The following GANAB variants were observed in gnomAD, a reference collection of about 807,000 sequenced individuals.
GANAB encodes neutral alpha-glucosidase AB.
GANAB carries 35 observed loss-of-function variants against 129.9 expected under a neutral mutation model. The observed-to-expected ratio is 0.27, with a 90% CI of 0.21 to 0.36. The LOEUF (loss-of-function observed/expected upper bound fraction) is 0.36, where lower values mean the gene tolerates loss of function less well. Among genes scored for constraint, GANAB ranks in the 10% least tolerant of loss-of-function variants. GANAB has a pLI of 1.00. For synonymous variants in GANAB, 482 were observed against 451.8 expected, an observed-to-expected ratio of 1.07 and a Z score of -0.85; for missense variants, 939 against 1,221.0, an observed-to-expected ratio of 0.77 and a Z score of 3.44.
chr11:62,626,727 A>C (rs937067779), intron 20 of GANAB, 43 bp from the exon 21 acceptor site: 12 of 1,421,388 alleles, frequency 8.4e-6, no homozygotes, highest in Non-Finnish European at 1.2e-5. Flanking sequence ...CCCCTTGTCC[A>C]ACCTTGGGCC....
At chr11:62,634,662 G>A (rs754206727) in intron 5 of GANAB, 159 bp downstream of exon 5, 269 of 652,470 alleles carry the variant, frequency 4.1e-4, no homozygotes, top group Middle Eastern at 8.6e-4. Context: ...GGAAAAAACC[G>A]CACCCGGGTC....
chr11:62,629,628 A>C lies in GANAB; in HGVS notation c.1794T>G (p.Phe598Leu). Residue 598 changes from phenylalanine (F) to leucine (L), a missense_variant, in exon 15 of 24, where the codon TTT (phenylalanine) becomes TTG (leucine). By Grantham distance (22) the Phe-to-Leu change is conservative (BLOSUM62 0). Transcript: ENST00000356638. ...CAGCGAAGAAGGCCCTGGCCAGGAC[A>C]AAGGGGCGTTCCATGCCCCCAGAGC... ...RQRSGGMERP[F>L]VLARAFFAGS... is the part of the protein sequence containing the mutation. 1 of 1,613,104 alleles carries C rather than the reference A, an allele frequency of 6.2e-7. No individual in the cohort carries two copies. Among genetic ancestry groups the C allele is most frequent in the Non-Finnish European group, 8.5e-7 (1 of 1,179,568 alleles).
intron 9 of GANAB, among the ~76,000 whole-genome samples, chr11:62,632,156 T>C (rs1465060580): frequency 6.6e-6 from 1 of 151,634 alleles, no homozygotes; most frequent in Non-Finnish European, 1.5e-5. Flanking sequence ...GTTTTTCTAG[T>C]AGAGATGAGG....
chr11:62,641,962 C>T (rs899004936), intron 1 of GANAB, among the ~76,000 whole-genome samples: 3 of 151,520 alleles, frequency 2.0e-5, no homozygotes, highest in Admixed American at 6.6e-5. Flanking sequence ...TTTGGGAGGC[C>T]GGGGTGGGCG....
chr11:62,634,754 C>T, intron 5 of GANAB, 67 bp downstream of exon 5: 1 of 1,316,596 alleles, frequency 7.6e-7, no homozygotes. Context: ...CCTCCCCGTG[C>T]CAGACCTCAC....
chr11:62,636,766 A>G (rs1451857695), intron 4 of GANAB, among the ~76,000 whole-genome samples: 3 of 151,874 alleles, frequency 2.0e-5, no homozygotes, highest in Non-Finnish European at 4.4e-5. Flanking sequence ...GCACGCCTGT[A>G]GTCCCAGCTA....
Position 62,629,593 on chromosome 11 carries a change from C to T in GANAB, c.1829G>A (p.Arg610His), listed in dbSNP as rs1168214826. Residue 610 changes from arginine (R) to histidine (H), a missense_variant, in exon 15 of 24, where the codon CGC becomes CAC. Physicochemically the swap from Arg to His is conservative, Grantham distance 29. Transcript: ENST00000356638. Reference sequence around the variant, plus strand: ...CTCCATTCTCTAAACCTTACCAAAGCGCTGGGAGCCAGCGAAGAAGGCCCT... The same window carrying T: ...CTCCATTCTCTAAACCTTACCAAAGTGCTGGGAGCCAGCGAAGAAGGCCCT... ...LARAFFAGSQRFGAVWTGDNT... is the reference protein window; with the variant it reads ...LARAFFAGSQHFGAVWTGDNT... The T allele has an allele frequency of 1.9e-6, 3 of 1,601,656 alleles. No homozygotes were observed. Among genetic ancestry groups the T allele is most frequent in the Admixed American group, 1.7e-5 (1 of 58,722 alleles).
At chr11:62,635,060 CT>C in intron 4 of GANAB, 60 bp from the exon 5 acceptor site, 1 of 1,219,748 alleles carries the variant, frequency 8.2e-7, no homozygotes, top group Non-Finnish European at 1.2e-6. Context: ...AGTAATGACA[CT>C]TTAGAAGACC....
rs1167295711 is a variant in GANAB at position 62,632,599 on chromosome 11, G to A, written c.962C>T (p.Thr321Ile). ...LGIFWLNAAE[T>I]WVDISSNTAG... ...AGTGTTGGAAGATATATCAACCCAG[G>A]TCTCTGCAGCATTGAGCCAGAAGAT... Residue 321 changes from threonine to isoleucine, a missense_variant, in exon 9 of 24, where the codon ACC becomes ATC. By Grantham distance (89) the Thr-to-Ile change is moderately conservative. Coordinates refer to ENST00000356638, the MANE Select transcript of GANAB (RefSeq NM_198334.3). 1 of 1,614,042 alleles carries A rather than the reference G, an allele frequency of 6.2e-7. No homozygotes were observed. The highest frequency in any genetic ancestry group is 2.2e-5 in the East Asian group (1 of 44,880).
At chr11:62,641,728 C>T (rs1311087238) in intron 1 of GANAB, among the ~76,000 whole-genome samples, 1 of 151,346 alleles carries the variant, frequency 6.6e-6, no homozygotes, top group Admixed American at 6.6e-5. Flanking sequence ...TACAGGAGCA[C>T]GCCACCATGC....
chr11:62,639,260 A>T, intron 3 of GANAB, 99 bp downstream of exon 3: 3 of 1,290,490 alleles, frequency 2.3e-6, no homozygotes, highest in Non-Finnish European at 2.2e-6. Flanking sequence ...AAGTCCAAAG[A>T]TTAGGCTGGG....
chr11:62,646,117 G>A (rs1309860275), intron 1 of GANAB, among the ~76,000 whole-genome samples: 1 of 152,218 alleles, frequency 6.6e-6, no homozygotes, highest in South Asian at 2.1e-4. Flanking sequence ...AGAGCCAGAA[G>A]GGTAGTACAG....
rs1943763393 is a variant in GANAB at position 62,633,064 on chromosome 11, G to A, written c.756C>T (p.Gly252=). The change falls in exon 8 of 24, where the codon GGC becomes GGT. Residue 252 remains glycine (G), a synonymous_variant. Coordinates refer to ENST00000356638, the MANE Select transcript of GANAB (RefSeq NM_198334.3). Reference sequence around the variant, plus strand: ...CAGGGATCCCATAGACATGCTCCATGCCTGGCAGAGAGAAGTCCAAACCCA... The same window carrying A: ...CAGGGATCCCATAGACATGCTCCATACCTGGCAGAGAGAAGTCCAAACCCA... ...MSVGLDFSLP[G]MEHVYGIPEH... 6.2e-7 allele frequency: 1 copy of A among 1,612,386 alleles called. No individual in the cohort carries two copies. Among genetic ancestry groups the A allele is most frequent in the Non-Finnish European group, 8.5e-7 (1 of 1,178,492 alleles).
At chr11:62,644,194 T>C (rs1051916717) in intron 1 of GANAB, among the ~76,000 whole-genome samples, 1 of 152,042 alleles carries the variant, frequency 6.6e-6, no homozygotes, top group African/African-American at 2.4e-5. Flanking sequence ...TTCGCCAGCC[T>C]CGGCCTCCCA....
chr11:62,642,922 G>C (rs921799076), intron 1 of GANAB, among the ~76,000 whole-genome samples: 7 of 152,114 alleles, frequency 4.6e-5, no homozygotes, highest in African/African-American at 1.4e-4. Context: ...TAAATAGCTG[G>C]TAAGGGATGA....
intron 4 of GANAB, among the ~76,000 whole-genome samples, chr11:62,637,928 CAGA>C (rs941638153): frequency 2.0e-5 from 3 of 151,610 alleles, no homozygotes; most frequent in African/African-American, 7.3e-5. Flanking sequence ...ACGGAAACCC[CAGA>C]AGACCACATG....
chr11:62,631,166 C>G lies in GANAB; in HGVS notation c.1014G>C (p.Met338Ile). ...NTAGKTLFGK[M>I]MDYLQGSGET... Reference sequence around the variant, plus strand: ...CCCCAGAGCCCTGCAGGTAGTCCATCATCTTCCCAAACAGGGTCTGTATAG... The same window carrying G: ...CCCCAGAGCCCTGCAGGTAGTCCATGATCTTCCCAAACAGGGTCTGTATAG... Residue 338 changes from methionine to isoleucine, a missense_variant, in exon 10 of 24, where the codon ATG becomes ATC. Met to Ile is a conservative substitution (Grantham distance 10). Around this residue, in one of 5 missense-constraint regions of GANAB, gnomAD observed 220 missense variants for 295.9 expected, o/e 0.74. Coordinates refer to ENST00000356638, the MANE Select transcript of GANAB (RefSeq NM_198334.3). 1.3e-6 allele frequency: 2 copies of G among 1,592,916 alleles called. No homozygotes were observed. Among genetic ancestry groups the G allele is most frequent in the South Asian group, 2.2e-5 (2 of 90,496 alleles).
rs917536739 is a variant in GANAB at position 62,625,228 on chromosome 11, G to A, written c.*587C>T. On this transcript the variant is annotated 3_prime_UTR_variant, in exon 24 of 24. Transcript: ENST00000356638. ...TACAAGGAATCGGGGAGAGGAAAAG[G>A]GTAGAATGAGAGGGAAAAGGATGTT... 1 of 454,876 alleles carries A rather than the reference G, an allele frequency of 2.2e-6. No individual in the cohort carries two copies. The highest frequency in any genetic ancestry group is 4.4e-6 in the Non-Finnish European group (1 of 226,808). 28.2% of individuals were successfully genotyped at this position (454,876 alleles called of 1,614,324 possible). A position where few individuals can be genotyped will look rare whatever the true frequency, so the allele number is the denominator to read the frequency against.
rs186826272 is a variant in GANAB at position 62,627,271 on chromosome 11, A to C, written c.2245+18T>G. ...TTGGCCCAAAGCCAACCCACCACCAACTATCCTCATTTCTCACCAAGCAAG... is the reference window on the plus strand; with the variant it reads ...TTGGCCCAAAGCCAACCCACCACCACCTATCCTCATTTCTCACCAAGCAAG... On this transcript the variant is annotated intron_variant, in intron 18 of 23. Coordinates refer to ENST00000356638, the MANE Select transcript of GANAB (RefSeq NM_198334.3). 1.2e-5 allele frequency: 18 copies of C among 1,529,038 alleles called. No individual in the cohort carries two copies. The African/African-American group carries it at 2.5e-4, about 21-fold the overall frequency. The allele number at this position is 1,529,038 out of a possible 1,614,324, so 94.7% of individuals were successfully genotyped here. A position where few individuals can be genotyped will look rare whatever the true frequency, so the allele number is the denominator to read the frequency against.
Sources: gnomAD v4.1 joint callset for allele counts (sites outside exome capture counted in the v4.1 genomes callset) on GRCh38, gnomAD v4.1.1 for gene constraint, gnomAD v4.1.1 regional missense constraint, MANE v1.5 for transcripts, NCBI Gene and HGNC (gene_info 2026-07-23, HGNC 2026-07-21) for gene names.